FECH: variants seen among roughly 807,000 people sequenced by gnomAD.
The protein encoded by FECH is ferrochelatase, mitochondrial.
In FECH, 40 loss-of-function variants were observed where a neutral mutation model predicts 56.9. That is an observed-to-expected ratio of 0.70 (90% CI 0.55 to 0.92). The LOEUF (loss-of-function observed/expected upper bound fraction) is 0.92. Among genes scored for constraint, FECH ranks in the 40% least tolerant of loss-of-function variants. FECH has a pLI of 0.00. For synonymous variants in FECH, 175 were observed against 198.6 expected (o/e 0.88, Z 1.00); for missense variants, 431 against 529.1 (o/e 0.81, Z 1.82).
intron 2 of FECH, among the ~76,000 whole-genome samples, chr18:57,579,796 T>A (rs1256649173): frequency 6.6e-6 from 1 of 152,248 alleles, no homozygotes; most frequent in Admixed American, 6.5e-5. Context: ...ATATAATTTG[T>A]GTTATGTGAC....
chr18:57,583,128 C>T (rs181131595), intron 1 of FECH, among the ~76,000 whole-genome samples: 1 of 152,276 alleles, frequency 6.6e-6, no homozygotes, highest in East Asian at 1.9e-4. Context: ...TTCGTTAATA[C>T]ACTCACCCTT....
intron 9 of FECH, among the ~76,000 whole-genome samples, chr18:57,553,851 A>C (rs555933954): frequency 1.3e-5 from 2 of 152,386 alleles, no homozygotes; most frequent in Non-Finnish European, 2.9e-5. Context: ...GAAGCCATGT[A>C]ATAATAGCCC....
At position 57,549,776 on chromosome 18, in the gene FECH, G is replaced by A. The variant is rs144709743; in HGVS notation, c.*936C>T. The A allele has an allele frequency of 1.9e-3, 291 of 152,240 alleles. 2 individuals are homozygous for A. The highest frequency in any genetic ancestry group is 6.2e-3 in the African/African-American group (259 of 41,528). The allele number at this position is 152,240 out of a possible 1,614,324, so 9.4% of individuals were successfully genotyped here. A position where few individuals can be genotyped will look rare whatever the true frequency, so the allele number is the denominator to read the frequency against. On this transcript the variant is annotated 3_prime_UTR_variant, in exon 11 of 11. Coordinates refer to ENST00000262093, the MANE Select transcript of FECH (RefSeq NM_000140.5). The stretch of plus-strand genomic sequence containing the variant: ...CTATACATTTTTATAATAAAAAATC[G>A]TAAATTAAGAAAGAATTCAAGCAAA...
chr18:57,572,285 C>T (rs1000135496), intron 3 of FECH, among the ~76,000 whole-genome samples: 1 of 151,914 alleles, frequency 6.6e-6, no homozygotes, highest in African/African-American at 2.4e-5. Context: ...AGCTGGAAAC[C>T]ACCATTCTCA....
intron 2 of FECH, among the ~76,000 whole-genome samples, chr18:57,576,435 C>T (rs771598121): frequency 2.6e-5 from 4 of 152,314 alleles, no homozygotes; most frequent in Non-Finnish European, 4.4e-5. Context: ...ACTTAGACCA[C>T]TAGTCTTCTC....
intron 2 of FECH, among the ~76,000 whole-genome samples, chr18:57,576,364 C>T (rs946000372): frequency 5.9e-5 from 9 of 152,286 alleles, no homozygotes; most frequent in African/African-American, 1.9e-4. Context: ...GTTTTCTTTC[C>T]TTGATATTTG....
At chr18:57,571,731 C>A (rs1479025993) in intron 3 of FECH, 191 bp from the exon 4 acceptor site, 3 of 716,556 alleles carry the variant, frequency 4.2e-6, no homozygotes, top group Non-Finnish European at 6.7e-6. Flanking sequence ...TAAAGCTATA[C>A]CCTCTCTGAG....
intron 2 of FECH, among the ~76,000 whole-genome samples, chr18:57,577,928 G>A (rs368191684): frequency 1.1e-4 from 17 of 151,706 alleles, no homozygotes; most frequent in African/African-American, 4.1e-4. Flanking sequence ...CAAAATATTG[G>A]GTGGTAAGAT....
intron 1 of FECH, among the ~76,000 whole-genome samples, chr18:57,585,449 G>T (rs1022076533): frequency 2.6e-5 from 4 of 152,180 alleles, no homozygotes; most frequent in Admixed American, 6.5e-5. Flanking sequence ...CCACAGGAAA[G>T]GTCAGTGAAA....
chr18:57,559,493 G>A (rs1598987680), intron 6 of FECH, among the ~76,000 whole-genome samples: 1 of 152,262 alleles, frequency 6.6e-6, no homozygotes, highest in East Asian at 1.9e-4. Context: ...ATGGCTCACT[G>A]CAAATGCGCG....
At chr18:57,570,032 CGTGTGTGTGTGTGTGTGTGTGTGTGT>C (rs10608112) in intron 4 of FECH, among the ~76,000 whole-genome samples, 55 of 122,864 alleles carry the variant, frequency 4.5e-4, no homozygotes, top group Non-Finnish European at 6.3e-4. Context: ...TTGTTGTTGT[CGTGTGTGTGTGTGTGTGTGTGTGTGT>C]GTGTGTGTGT....
chr18:57,565,621 C>A (rs151018778), intron 5 of FECH, among the ~76,000 whole-genome samples: 1,839 of 151,978 alleles, frequency 0.012, 24 homozygotes, highest in Non-Finnish European at 0.018. Flanking sequence ...TTGAGGGTAT[C>A]TTAGAACTCA....
Position 57,545,338 on chromosome 18 carries a change from G to T in FECH, c.*5374C>A, listed in dbSNP as rs2050706106. 6.6e-6 allele frequency among the ~76,000 whole-genome samples: 1 copy of T among 152,220 alleles called. No homozygotes were observed. The highest frequency in any genetic ancestry group is 2.1e-4 in the South Asian group (1 of 4,836). Reference sequence around the variant, plus strand: ...AATAGCTGTTATTCTAAAAATGGAAGCTAATGATTCCAGCTAAAAACAACG... The same window carrying T: ...AATAGCTGTTATTCTAAAAATGGAATCTAATGATTCCAGCTAAAAACAACG... On this transcript the variant is annotated 3_prime_UTR_variant, in exon 11 of 11. Transcript: ENST00000262093.
chr18:57,547,046 CCT>C lies in FECH; in HGVS notation c.*3664_*3665del, dbSNP rs1183696818. On this transcript the variant is annotated 3_prime_UTR_variant, in exon 11 of 11. Transcript: ENST00000262093. ...GCAGTGGTGCATGGGGCCTGTAGCC[CCT>C]GTGTTTTGGCCAATTTCTCCCATTT... Among the ~76,000 whole-genome samples, 1 of 152,050 alleles carries C rather than the reference CCT, an allele frequency of 6.6e-6. No homozygotes were observed. The highest frequency in any genetic ancestry group is 2.4e-5 in the African/African-American group (1 of 41,484).
At chr18:57,580,792 C>T (rs571599122) in intron 1 of FECH, among the ~76,000 whole-genome samples, 1 of 152,276 alleles carries the variant, frequency 6.6e-6, no homozygotes, top group Non-Finnish European at 1.5e-5. Context: ...CATGCCACCC[C>T]AGGAGTCCAC....
rs2051104816 is a variant in FECH at position 57,571,415 on chromosome 18, A to G, written c.440T>C (p.Leu147Pro). The G allele has an allele frequency of 1.2e-6, 2 of 1,614,158 alleles. No homozygotes were observed. Among genetic ancestry groups the G allele is most frequent in the Admixed American group, 3.3e-5 (2 of 60,024 alleles). ...ACCTGTGTTGGGGGACAATTCATCC[A>G]GCAGCTTCACCATGCCCTCTCCCTG... ...SKQGEGMVKL[L>P]DELSPNTAPH... The change falls in exon 4 of 11, where the codon CTG becomes CCG. Residue 147 changes from leucine (L) to proline (P), a missense_variant. By Grantham distance (98) the Leu-to-Pro change is moderately conservative (BLOSUM62 -3). Coordinates refer to ENST00000262093, the MANE Select transcript of FECH (RefSeq NM_000140.5).
Position 57,566,389 on chromosome 18 carries a change from C to T in FECH, c.598+58G>A, listed in dbSNP as rs371983086. The T allele has an allele frequency of 1.1e-4, 184 of 1,612,790 alleles. No homozygotes were observed. The African/African-American group carries it at 2.3e-3, about 20-fold the overall frequency. On this transcript the variant is annotated intron_variant, in intron 5 of 10. Coordinates refer to ENST00000262093, the MANE Select transcript of FECH (RefSeq NM_000140.5). ...ATCCTTCCCTTCAGTACTTAGACTCCTTGGTTATTTTTGCCAGCACCGTAT... is the reference window on the plus strand; with the variant it reads ...ATCCTTCCCTTCAGTACTTAGACTCTTTGGTTATTTTTGCCAGCACCGTAT...
intron 2 of FECH, among the ~76,000 whole-genome samples, chr18:57,574,674 G>A (rs932800926): frequency 6.6e-6 from 1 of 152,278 alleles, no homozygotes; most frequent in Non-Finnish European, 1.5e-5. Context: ...AGGTGAAGTC[G>A]GAGCAGGACC....
rs544792576 is a variant in FECH at position 57,558,927 on chromosome 18, A to T, written c.804+218T>A. Among the ~76,000 whole-genome samples the T allele has an allele frequency of 7.0e-3, 1,058 of 152,038 alleles. 8 individuals are homozygous for T. Among genetic ancestry groups the T allele is most frequent in the African/African-American group, 0.023 (951 of 41,474 alleles). ...CACAGCAAGACTCTGTTTCAAAAAAAAGAAAAGAGGAAAAGATCTATTTAC... is the reference window on the plus strand; with the variant it reads ...CACAGCAAGACTCTGTTTCAAAAAATAGAAAAGAGGAAAAGATCTATTTAC... On this transcript the variant is annotated intron_variant, in intron 7 of 10. Coordinates refer to ENST00000262093, the MANE Select transcript of FECH (RefSeq NM_000140.5).
Sources: allele counts gnomAD v4.1 joint callset (sites outside exome capture counted in the v4.1 genomes callset), GRCh38; gene constraint gnomAD v4.1.1; transcripts MANE v1.5; gene names NCBI Gene and HGNC (gene_info 2026-07-23, HGNC 2026-07-21).